The following ZNF141 variants were observed in gnomAD, a reference collection of about 807,000 sequenced individuals.
ZNF141 encodes the protein zinc finger protein 141.
ZNF141 carries 7 observed loss-of-function variants against 11.3 expected under a neutral mutation model. The ratio of observed to expected loss-of-function variants is 0.62; its 90% CI spans 0.35 to 1.16. The LOEUF is 1.16. ZNF141 is among the 50% of genes most tolerant of loss of function. The pLI is 0.02. For missense variants in ZNF141, 535 were observed against 554.0 expected (o/e 0.97, Z 0.34); for synonymous variants, 183 against 190.7 (o/e 0.96, Z 0.33).
chr4:345,790 A>T (rs1414600048), intron 3 of ZNF141, among the ~76,000 whole-genome samples: 1 of 152,040 alleles, frequency 6.6e-6, no homozygotes, highest in Non-Finnish European at 1.5e-5. Flanking sequence ...ACCACAGAAG[A>T]TAAGCAAAAA....
intron 3 of ZNF141, among the ~76,000 whole-genome samples, chr4:363,529 G>A (rs1002942489): frequency 6.6e-6 from 1 of 152,080 alleles, no homozygotes; most frequent in African/African-American, 2.4e-5. Flanking sequence ...GGCCAAGGCG[G>A]GCAGATCATG....
intron 1 of ZNF141, among the ~76,000 whole-genome samples, chr4:341,456 A>C (rs1318075450): frequency 1.3e-5 from 2 of 152,244 alleles, no homozygotes; most frequent in African/African-American, 4.8e-5. Flanking sequence ...CTAAGAATAA[A>C]TATTTAGCTT....
intron 3 of ZNF141, among the ~76,000 whole-genome samples, chr4:368,158 C>T (rs1553853131): frequency 2.6e-5 from 4 of 152,120 alleles, no homozygotes. Context: ...TTTTGTGTTA[C>T]ACAGTGCCAT....
chr4:373,423 A>G lies in ZNF141; in HGVS notation c.986A>G (p.His329Arg), dbSNP rs782029537. ...AATAGGTCCACAACCCTTACTAAAC[A>G]TAAGAGAATTCATACTGGAGAGAAA... Reference protein sequence around the residue: ...AFNRSTTLTKHKRIHTGEKPY... With the variant: ...AFNRSTTLTKRKRIHTGEKPY... Residue 329 changes from histidine (H) to arginine (R), a missense_variant, in exon 4 of 4, where the codon CAT becomes CGT. Coordinates refer to ENST00000240499, the MANE Select transcript of ZNF141 (RefSeq NM_003441.4). The G allele has an allele frequency of 4.3e-6, 7 of 1,614,140 alleles. No homozygotes were observed. The highest frequency in any genetic ancestry group is 5.1e-6 in the Non-Finnish European group (6 of 1,180,026).
rs781820402 is a variant in ZNF141 at position 372,683 on chromosome 4, C to T, written c.246C>T (p.Thr82=). The T allele has an allele frequency of 1.3e-6, 2 of 1,540,226 alleles. No homozygotes were observed. The highest frequency in any genetic ancestry group is 1.8e-6 in the Non-Finnish European group (2 of 1,142,652). Residue 82 remains threonine (T), a synonymous_variant, in exon 4 of 4, where the codon ACC becomes ACT. Transcript: ENST00000240499. ...ARPPAMCSHF[T]QDHWPVQGIE... is the part of the protein sequence containing the mutation. The stretch of plus-strand genomic sequence containing the variant: ...TTTCAGCTATGTGTTCTCATTTCAC[C>T]CAAGACCATTGGCCAGTGCAGGGCA...
chr4:367,513 T>C (rs1233841146), intron 3 of ZNF141, among the ~76,000 whole-genome samples: 1 of 149,362 alleles, frequency 6.7e-6, no homozygotes, highest in Non-Finnish European at 1.5e-5. Flanking sequence ...ACATAAACTT[T>C]ACAATCTTTT....
Position 381,055 on chromosome 4 carries a change from T to A in ZNF141, c.*7193T>A, listed in dbSNP as rs1466452880. Among the ~76,000 whole-genome samples the A allele has an allele frequency of 6.6e-6, 1 of 152,188 alleles. No homozygotes were observed. Among genetic ancestry groups the A allele is most frequent in the Non-Finnish European group, 1.5e-5 (1 of 68,038 alleles). Reference sequence around the variant, plus strand: ...CAATTCAGAATATTTATAGCATAATTTTTACCTATACCTGTAGTCAGTAAA... The same window carrying A: ...CAATTCAGAATATTTATAGCATAATATTTACCTATACCTGTAGTCAGTAAA... On this transcript the variant is annotated 3_prime_UTR_variant, in exon 4 of 4. Coordinates refer to ENST00000240499, the MANE Select transcript of ZNF141 (RefSeq NM_003441.4).
intron 3 of ZNF141, among the ~76,000 whole-genome samples, chr4:348,783 G>A (rs1488310478): frequency 6.6e-6 from 1 of 150,574 alleles, no homozygotes; most frequent in Non-Finnish European, 1.5e-5. Context: ...TCTCAAGATT[G>A]ATTGCTCAGG....
chr4:374,126 C>T lies in ZNF141; in HGVS notation c.*264C>T. ...AAATTATTACTGGAGATAAACCCTG[C>T]AAATGTAAAGAGTGTAACAAAACCT... On this transcript the variant is annotated 3_prime_UTR_variant, in exon 4 of 4. Transcript: ENST00000240499. 2.0e-6 allele frequency: 1 copy of T among 492,254 alleles called. No homozygotes were observed. The highest frequency in any genetic ancestry group is 3.6e-6 in the Non-Finnish European group (1 of 275,212). The allele number at this position is 492,254 out of a possible 1,614,324, so 30.5% of individuals were successfully genotyped here.
chr4:337,857 A>G lies in ZNF141; in HGVS notation c.-127A>G, dbSNP rs746516573. ...TACCAGACCGCGGGTTAGGGGCTTC[A>G]TCTCTCTGCGTTCTCAGTTGTGGGA... On this transcript the variant is annotated 5_prime_UTR_variant, in exon 1 of 4. Coordinates refer to ENST00000240499, the MANE Select transcript of ZNF141 (RefSeq NM_003441.4). The G allele has an allele frequency of 6.0e-5, 79 of 1,315,274 alleles. No homozygotes were observed. The highest frequency in any genetic ancestry group is 1.4e-4 in the Admixed American group (8 of 57,894). The allele number at this position is 1,315,274 out of a possible 1,614,324, so 81.5% of individuals were successfully genotyped here.
In ZNF141 at chr4:375,693, GTA is replaced by G. The variant is rs781799788; in HGVS notation, c.*1834_*1835del. On this transcript the variant is annotated 3_prime_UTR_variant, in exon 4 of 4. Transcript: ENST00000240499. ...AAGTATATTTTTTCACTTGAAAAAA[GTA>G]TAGATTTTTTGAAAAGCATATAATA... is the stretch of plus-strand genomic sequence containing the variant. 7.9e-5 allele frequency among the ~76,000 whole-genome samples: 12 copies of G among 151,984 alleles called. No individual in the cohort carries two copies. The highest frequency in any genetic ancestry group is 1.8e-4 in the Non-Finnish European group (12 of 67,902).
chr4:346,891 A>AAACCC (rs1721347362), intron 3 of ZNF141, among the ~76,000 whole-genome samples: 1 of 120,042 alleles, frequency 8.3e-6, no homozygotes, highest in African/African-American at 3.7e-5. Context: ...ACACACACAC[A>AAACCC]CACCGCCCCC....
rs566119608 is a variant in ZNF141, at chr4:373,933, A to T, written c.*71A>T. ...CCACAAACCTTAATGAACATGAGAA[A>T]ATTTATACTGTAGAGAAACCCTGGA... On this transcript the variant is annotated 3_prime_UTR_variant, in exon 4 of 4. Coordinates refer to ENST00000240499, the MANE Select transcript of ZNF141 (RefSeq NM_003441.4). 19 of 1,336,382 alleles carry T rather than the reference A, an allele frequency of 1.4e-5. No individual in the cohort carries two copies. Among genetic ancestry groups the T allele is most frequent in the South Asian group, 1.3e-4 (9 of 71,212 alleles). 82.8% of individuals were successfully genotyped at this position (1,336,382 alleles called of 1,614,324 possible).
chr4:367,524 T>C (rs1434075901), intron 3 of ZNF141, among the ~76,000 whole-genome samples: 1 of 151,806 alleles, frequency 6.6e-6, no homozygotes, highest in Non-Finnish European at 1.5e-5. Context: ...ACAATCTTTT[T>C]TTTTTTTTTT....
chr4:342,683 T>A, intron 1 of ZNF141: 1 of 867,178 alleles, frequency 1.2e-6, no homozygotes, highest in Non-Finnish European at 1.9e-6. Context: ...ATGGACAGTT[T>A]GAAGAGAAAC....
Position 343,907 on chromosome 4 carries a change from G to A in ZNF141, c.129G>A (p.Leu43=), listed in dbSNP as rs553009801. 4 of 1,595,178 alleles carry A rather than the reference G, an allele frequency of 2.5e-6. No homozygotes were observed. The highest frequency in any genetic ancestry group is 2.3e-5 in the South Asian group (2 of 86,906). ...AGAACTACAGGAACCTGGTCTCCCT[G>A]GGTGAGGATAACTTCAATACATAAT... The part of the protein sequence containing the change: ...MLENYRNLVS[L]GVAISNPDLV... Residue 43 remains leucine (L), a splice_region_variant and synonymous_variant, in exon 2 of 4, where the codon CTG becomes CTA. Coordinates refer to ENST00000240499, the MANE Select transcript of ZNF141 (RefSeq NM_003441.4).
Position 381,374 on chromosome 4 carries a change from A to G in ZNF141, c.*7512A>G, listed in dbSNP as rs1246152404. Among the ~76,000 whole-genome samples, 1 of 146,618 alleles carries G rather than the reference A, an allele frequency of 6.8e-6. No homozygotes were observed. The highest frequency in any genetic ancestry group is 1.5e-5 in the Non-Finnish European group (1 of 66,852). On this transcript the variant is annotated 3_prime_UTR_variant, in exon 4 of 4. Transcript: ENST00000240499. ...AGAACTAAGAAAGAACCAAAAAGTTACTATTTAATACAGACTTCAAATGTG... is the reference window on the plus strand; with the variant it reads ...AGAACTAAGAAAGAACCAAAAAGTTGCTATTTAATACAGACTTCAAATGTG...
At chr4:338,312 G>C (rs1035781228) in intron 1 of ZNF141, 12 of 349,232 alleles carry the variant, frequency 3.4e-5, no homozygotes, top group African/African-American at 2.4e-4. Context: ...TGTGGTCTGG[G>C]GATCCCGTCC....
chr4:350,409 A>T (rs559659386), intron 3 of ZNF141, among the ~76,000 whole-genome samples: 1 of 152,234 alleles, frequency 6.6e-6, no homozygotes, highest in Admixed American at 6.5e-5. Flanking sequence ...CACTAAAATA[A>T]TGGCCTCAGG....
Sources: allele counts gnomAD v4.1 joint callset (sites outside exome capture counted in the v4.1 genomes callset), GRCh38; gene constraint gnomAD v4.1.1; transcripts MANE v1.5; gene names NCBI Gene and HGNC (gene_info 2026-07-23, HGNC 2026-07-21).